Variants in GLIS3 observed in about 807,000 individuals in gnomAD.
The protein encoded by GLIS3 is GLIS family zinc finger 3, also known as zinc finger protein GLIS3.
A neutral mutation model predicts 78.6 loss-of-function variants in GLIS3; 53 were observed. The ratio of observed to expected loss-of-function variants is 0.67; its 90% CI spans 0.54 to 0.85. The LOEUF (loss-of-function observed/expected upper bound fraction) is 0.85. GLIS3 is among the 40% of genes least tolerant of loss of function. GLIS3 has a pLI of 0.00. For missense variants in GLIS3, 1,703 were observed against 1,231.1 expected (o/e 1.38, Z -5.74); for synonymous variants, 684 against 509.9 (o/e 1.34, Z -4.60).
the GLIS3 span, among the ~76,000 whole-genome samples, chr9:4,397,315 A>G: frequency 0.14 from 21,328 of 148,824 alleles, 1,708 homozygotes; most frequent in South Asian, 0.21. Flanking sequence ...GTGAGCCACC[A>G]CACCCTGCCG....
At chr9:4,414,577 T>C in the GLIS3 span, among the ~76,000 whole-genome samples, 3 of 152,328 alleles carry the variant, frequency 2.0e-5, no homozygotes, top group Admixed American at 2.0e-4. Context: ...TGCTTCAGGA[T>C]TGCCTGGTCA....
the GLIS3 span, among the ~76,000 whole-genome samples, chr9:4,365,208 A>G: frequency 5.9e-5 from 9 of 152,308 alleles, no homozygotes; most frequent in South Asian, 8.3e-4. Context: ...GAGATGGCTT[A>G]TACCATGCAA....
chr9:4,126,928 C>T (rs976879079), intron 2 of GLIS3, among the ~76,000 whole-genome samples: 6 of 152,020 alleles, frequency 3.9e-5, no homozygotes, highest in South Asian at 2.1e-4. Flanking sequence ...TATTTGGGAT[C>T]GAAGTAGGAA....
rs60086001 is a variant in GLIS3 at position 3,896,670 on chromosome 9, T to TAAAA, written c.2128+2017_2128+2020dup. ...GACAGAGTGAGACTCCCATCTCAATTAAAAAAAAAAAGAAGTAGAGAGGGT... is the reference window on the plus strand; with the variant it reads ...GACAGAGTGAGACTCCCATCTCAATTAAAAAAAAAAAAAAAGAAGTAGAGAGGGT... On this transcript the variant is annotated intron_variant, in intron 7 of 10. Coordinates refer to ENST00000381971, the MANE Select transcript of GLIS3 (RefSeq NM_001042413.2). Among the ~76,000 whole-genome samples, 12 of 50,016 alleles carry TAAAA rather than the reference T, an allele frequency of 2.4e-4. 1 individual carries two copies. Among genetic ancestry groups the TAAAA allele is most frequent in the Admixed American group, 7.1e-4 (2 of 2,816 alleles). The allele number at this position is 50,016 out of a possible 152,430, so 32.8% of individuals were successfully genotyped here. A position where few individuals can be genotyped will look rare whatever the true frequency, so the allele number is the denominator to read the frequency against.
At chr9:4,192,386 G>A (rs989969148) in intron 2 of GLIS3, among the ~76,000 whole-genome samples, 1 of 152,066 alleles carries the variant, frequency 6.6e-6, no homozygotes, top group Admixed American at 6.6e-5. Flanking sequence ...TATTTTTGTG[G>A]ACTAAGCTGA....
At chr9:4,304,661 C>T (rs1033204637), upstream of GLIS3, among the ~76,000 whole-genome samples, 2 of 152,110 alleles carry the variant, frequency 1.3e-5, no homozygotes, top group African/African-American at 4.8e-5. Flanking sequence ...AAGAAGGCAG[C>T]GCAGCACTGA....
rs146531470 is a variant in GLIS3 at position 4,196,530 on chromosome 9, G to A, written c.389-70589C>T. Among the ~76,000 whole-genome samples the A allele has an allele frequency of 1.4e-4, 22 of 152,262 alleles. No individual in the cohort carries two copies. In the East Asian group the frequency reaches 3.5e-3, roughly 24 times the overall value. Reference sequence around the variant, plus strand: ...TAAAGTTCTGCAGCTTCACTCCTGAGGCCAGCAAGACCACGAACCCACTGA... The same window carrying A: ...TAAAGTTCTGCAGCTTCACTCCTGAAGCCAGCAAGACCACGAACCCACTGA... On this transcript the variant is annotated intron_variant, in intron 2 of 10. Coordinates refer to ENST00000381971, the MANE Select transcript of GLIS3 (RefSeq NM_001042413.2).
chr9:4,237,901 C>T (rs998929488), intron 2 of GLIS3, among the ~76,000 whole-genome samples: 1 of 152,200 alleles, frequency 6.6e-6, no homozygotes, highest in South Asian at 2.1e-4. Context: ...TTTCCCTTCC[C>T]TAGTTAATTC....
At chr9:4,489,585 A>G in the GLIS3 span, among the ~76,000 whole-genome samples, 1 of 152,228 alleles carries the variant, frequency 6.6e-6, no homozygotes, top group African/African-American at 2.4e-5. Context: ...GAAGAGCATC[A>G]GAAATTCACT....
At chr9:4,358,694 C>T in the GLIS3 span, among the ~76,000 whole-genome samples, 1 of 152,128 alleles carries the variant, frequency 6.6e-6, no homozygotes, top group African/African-American at 2.4e-5. Context: ...TACAGATGCT[C>T]CAGAGGAATG....
chr9:4,190,807 A>G (rs62543611), intron 2 of GLIS3, among the ~76,000 whole-genome samples: 6,818 of 152,276 alleles, frequency 0.045, 209 homozygotes, highest in Non-Finnish European at 0.07. Context: ...CCCACAAAGG[A>G]AAGCCCATCT....
chr9:3,998,780 A>T (rs1410848645), intron 4 of GLIS3, among the ~76,000 whole-genome samples: 1 of 147,956 alleles, frequency 6.8e-6, no homozygotes, highest in East Asian at 1.9e-4. Flanking sequence ...ATTAAATATT[A>T]ATAATATTTT....
intron 4 of GLIS3, among the ~76,000 whole-genome samples, chr9:4,038,933 C>A (rs1215033357): frequency 6.6e-6 from 1 of 152,110 alleles, no homozygotes; most frequent in East Asian, 1.9e-4. Flanking sequence ...GTCTAATTTC[C>A]CCAACTGAGG....
chr9:3,854,347 A>G (rs189566564), intron 9 of GLIS3, among the ~76,000 whole-genome samples: 8 of 152,294 alleles, frequency 5.3e-5, no homozygotes, highest in Admixed American at 5.2e-4. Flanking sequence ...AAAAATGACC[A>G]TGGGCCTGCA....
At chr9:4,338,367 TACACACACACACACACACACATACACAC>T (rs1188773085) in intron 2 of GLIS3, among the ~76,000 whole-genome samples, 2 of 131,618 alleles carry the variant, frequency 1.5e-5, no homozygotes, top group Non-Finnish European at 3.2e-5. Flanking sequence ...TATATGTGTG[TACACACACACACACACACACATACACAC>T]ACACACACAC....
At chr9:4,165,573 G>C (rs1283114235) in intron 2 of GLIS3, among the ~76,000 whole-genome samples, 2 of 152,214 alleles carry the variant, frequency 1.3e-5, no homozygotes. Context: ...CTGACATAAA[G>C]CTACACTCCG....
chr9:4,255,749 G>A (rs994175227), intron 2 of GLIS3, among the ~76,000 whole-genome samples: 7 of 152,110 alleles, frequency 4.6e-5, no homozygotes, highest in African/African-American at 1.2e-4. Context: ...GGATTTTTAG[G>A]GCAGTGAAAC....
At chr9:4,269,477 C>T (rs10814904) in intron 2 of GLIS3, among the ~76,000 whole-genome samples, 25,320 of 152,100 alleles carry the variant, frequency 0.17, 2,614 homozygotes, top group East Asian at 0.24. Context: ...TATTGTCCAA[C>T]GTTATATCAG....
chr9:4,367,006 G>A, the GLIS3 span, among the ~76,000 whole-genome samples: 7 of 152,330 alleles, frequency 4.6e-5, no homozygotes, highest in South Asian at 4.1e-4. Context: ...GGATGAGGAT[G>A]CTTCCTAAAG....
Sources: gnomAD v4.1 joint callset for allele counts (sites outside exome capture counted in the v4.1 genomes callset) on GRCh38, gnomAD v4.1.1 for gene constraint, MANE v1.5 for transcripts, NCBI Gene and HGNC (gene_info 2026-07-23, HGNC 2026-07-21) for gene names.